The following ADH1A variants were observed in gnomAD, a reference collection of about 807,000 sequenced individuals.
The protein encoded by ADH1A is alcohol dehydrogenase 1A.
A neutral mutation model predicts 35.2 loss-of-function variants in ADH1A; 29 were observed. That is an observed-to-expected ratio of 0.82 (90% CI 0.61 to 1.12). The LOEUF (loss-of-function observed/expected upper bound fraction) is 1.12. Ranked by LOEUF, ADH1A falls within the 50% of genes most tolerant of loss-of-function variation. ADH1A has a pLI of 0.00. For synonymous variants in ADH1A, 147 were observed against 164.8 expected, an observed-to-expected ratio of 0.89 and a Z score of 0.83; for missense variants, 469 against 464.7, an observed-to-expected ratio of 1.01 and a Z score of -0.09.
At chr4:99,289,709 GC>G (rs1733244211) in intron 1 of ADH1A, among the ~76,000 whole-genome samples, 1 of 152,136 alleles carries the variant, frequency 6.6e-6, no homozygotes, top group African/African-American at 2.4e-5. Flanking sequence ...TTGATGTTGT[GC>G]CCAAGAGGGG....
chr4:99,285,584 T>C (rs978542983), intron 3 of ADH1A, among the ~76,000 whole-genome samples: 9 of 152,176 alleles, frequency 5.9e-5, no homozygotes, highest in Non-Finnish European at 1.2e-4. Flanking sequence ...TTAGTAGTTA[T>C]TATTAGTAGT....
chr4:99,276,384 G>T lies in ADH1A; in HGVS notation c.*240C>A. 1.8e-6 allele frequency: 1 copy of T among 552,446 alleles called. No homozygotes were observed. The highest frequency in any genetic ancestry group is 3.2e-6 in the Non-Finnish European group (1 of 312,654). The allele number at this position is 552,446 out of a possible 1,614,324, so 34.2% of individuals were successfully genotyped here. A position where few individuals can be genotyped will look rare whatever the true frequency, so the allele number is the denominator to read the frequency against. ...ACAAGTAGAATGGTTAAGAAGGAAG[G>T]TTTATTGGCTTCAATTCCCCAGCTG... On this transcript the variant is annotated 3_prime_UTR_variant, in exon 9 of 9. Transcript: ENST00000209668.
chr4:99,281,067 C>T (rs925999006), intron 6 of ADH1A: 6 of 152,098 alleles, frequency 3.9e-5, no homozygotes, highest in Admixed American at 1.3e-4. Context: ...GGTACACTCC[C>T]GTTCCACATG....
At position 99,287,633 on chromosome 4, in the gene ADH1A, C is replaced by T. The variant is rs773676318; in HGVS notation, c.51G>A (p.Glu17=). 3.1e-6 allele frequency: 5 copies of T among 1,613,832 alleles called. No homozygotes were observed. The highest frequency in any genetic ancestry group is 4.2e-6 in the Non-Finnish European group (5 of 1,179,936). ...VIKCKAAVLW[E]LKKPFSIEEV... ...CCTCAATGGAAAAGGGTTTCTTTAA[C>T]TCCCATAGCACAGCTGCTTTGCATT... Residue 17 remains glutamate (E), a synonymous_variant, in exon 2 of 9, where the codon GAG becomes GAA. Coordinates refer to ENST00000209668, the MANE Select transcript of ADH1A (RefSeq NM_000667.4).
At chr4:99,282,126 T>C in intron 6 of ADH1A, 4 of 832,742 alleles carry the variant, frequency 4.8e-6, no homozygotes, top group Non-Finnish European at 7.3e-6. Flanking sequence ...GCCCTTTGCT[T>C]TTCCTCTAGA....
At chr4:99,282,240 A>G (rs777369889) in intron 6 of ADH1A, 106 bp downstream of exon 6, 21 of 1,600,542 alleles carry the variant, frequency 1.3e-5, no homozygotes, top group Non-Finnish European at 1.8e-5. Context: ...GGAAATTTCC[A>G]TTCATCATTA....
intron 5 of ADH1A, 129 bp downstream of exon 5, chr4:99,284,270 T>A: frequency 1.0e-6 from 1 of 1,000,698 alleles, no homozygotes; most frequent in East Asian, 2.6e-5. Flanking sequence ...TCTTTCTGGA[T>A]TGTGTTTCTA....
At chr4:99,280,096 G>C in intron 7 of ADH1A, 48 bp downstream of exon 7, 1 of 1,611,032 alleles carries the variant, frequency 6.2e-7, no homozygotes, top group Non-Finnish European at 8.5e-7. Flanking sequence ...TAAAAGGGGA[G>C]ATATGCTGAG....
At chr4:99,285,492 A>C (rs191072280) in intron 3 of ADH1A, among the ~76,000 whole-genome samples, 8 of 152,194 alleles carry the variant, frequency 5.3e-5, no homozygotes, top group Non-Finnish European at 1.2e-4. Flanking sequence ...TTCCTGTTAC[A>C]GTGGAGGGAG....
rs746653344 is a variant in ADH1A, at chr4:99,284,390, C to A, written c.567+9G>T. 1 of 1,613,990 alleles carries A rather than the reference C, an allele frequency of 6.2e-7. No individual in the cohort carries two copies. The highest frequency in any genetic ancestry group is 8.5e-7 in the Non-Finnish European group (1 of 1,179,888). The stretch of plus-strand genomic sequence containing the variant: ...TGTAACTGTTTTTATCACCCATTGC[C>A]ATTCTTACCTTGGCAACATTGACTG... On this transcript the variant is annotated intron_variant, in intron 5 of 8. Coordinates refer to ENST00000209668, the MANE Select transcript of ADH1A (RefSeq NM_000667.4).
intron 5 of ADH1A, among the ~76,000 whole-genome samples, chr4:99,283,857 G>A (rs1733065663): frequency 6.6e-6 from 1 of 152,276 alleles, no homozygotes; most frequent in East Asian, 1.9e-4. Context: ...CATAATGAGT[G>A]AATTACGCAT....
chr4:99,283,473 T>TATTCATTCATTC (rs146495893), intron 5 of ADH1A, among the ~76,000 whole-genome samples: 27,650 of 151,612 alleles, frequency 0.18, 3,784 homozygotes, highest in East Asian at 0.76. Context: ...TAAGGGTGTC[T>TATTCATTCATTC]ATTCATTCAT....
intron 6 of ADH1A, chr4:99,281,939 T>A: frequency 4.9e-6 from 1 of 203,524 alleles, no homozygotes; most frequent in Non-Finnish European, 1.0e-5. Context: ...TTTAAAAAAA[T>A]TGGAATTTAT....
chr4:99,276,697 A>T (rs1341044382), intron 8 of ADH1A, 49 bp from the exon 9 acceptor site: 1 of 1,539,594 alleles, frequency 6.5e-7, no homozygotes, highest in East Asian at 2.2e-5. Context: ...ACATGCTTCC[A>T]TGTGAGAGTC....
rs779573610 is a variant in ADH1A at position 99,284,647 on chromosome 4, A to C, written c.348-29T>G. ...GACAGTGCAATACAAAGACACACAA[A>C]GGCATGAGACAGGACCATAACTAAT... On this transcript the variant is annotated intron_variant, in intron 4 of 8. Transcript: ENST00000209668. 9 of 1,613,818 alleles carry C rather than the reference A, an allele frequency of 5.6e-6. No homozygotes were observed. The South Asian group carries it at 8.8e-5, about 16-fold the overall frequency.
At chr4:99,277,648 GA>G (rs57479677) in intron 8 of ADH1A, among the ~76,000 whole-genome samples, 12 of 151,882 alleles carry the variant, frequency 7.9e-5, no homozygotes, top group Non-Finnish European at 1.8e-4. Flanking sequence ...TGCTGTTGTT[GA>G]AAATGTGCGA....
Position 99,276,473 on chromosome 4 carries a change from A to T in ADH1A, c.*151T>A. On this transcript the variant is annotated 3_prime_UTR_variant, in exon 9 of 9. Coordinates refer to ENST00000209668, the MANE Select transcript of ADH1A (RefSeq NM_000667.4). Reference sequence around the variant, plus strand: ...ACATTTGCTTGAAAAATAATTTTACATCAATTTCCATTTCTTTGGAAAGCC... The same window carrying T: ...ACATTTGCTTGAAAAATAATTTTACTTCAATTTCCATTTCTTTGGAAAGCC... 1 of 721,778 alleles carries T rather than the reference A, an allele frequency of 1.4e-6. No individual in the cohort carries two copies. Among genetic ancestry groups the T allele is most frequent in the Non-Finnish European group, 2.4e-6 (1 of 420,058 alleles). The allele number at this position is 721,778 out of a possible 1,614,324, so 44.7% of individuals were successfully genotyped here.
chr4:99,283,181 A>G (rs1282119336), intron 5 of ADH1A, among the ~76,000 whole-genome samples: 2 of 152,258 alleles, frequency 1.3e-5, no homozygotes, highest in African/African-American at 4.8e-5. Context: ...ACTAGTGAAT[A>G]ACACAGTAAT....
At chr4:99,287,103 C>A in intron 2 of ADH1A, 115 bp from the exon 3 acceptor site, 1 of 1,279,650 alleles carries the variant, frequency 7.8e-7, no homozygotes, top group East Asian at 2.4e-5. Context: ...GCTAATAATC[C>A]CTACTATCCC....
Sources: gnomAD v4.1 joint callset for allele counts (sites outside exome capture counted in the v4.1 genomes callset) on GRCh38, gnomAD v4.1.1 for gene constraint, MANE v1.5 for transcripts, NCBI Gene and HGNC (gene_info 2026-07-23, HGNC 2026-07-21) for gene names.